The following DMD variants were observed in gnomAD, a reference collection of about 807,000 sequenced individuals.
The protein encoded by DMD is dystrophin, also known as mutant dystrophin.
In DMD, 63 loss-of-function variants were observed where a neutral mutation model predicts 330.1. The observed-to-expected ratio is 0.19, with a 90% CI of 0.16 to 0.24. The LOEUF (loss-of-function observed/expected upper bound fraction) is 0.24. DMD is among the 10% of genes least tolerant of loss of function. The pLI is 1.00. For missense variants in DMD, 3,344 were observed against 2,684.1 expected (o/e 1.25, Z -5.43); for synonymous variants, 1,223 against 959.8 (o/e 1.27, Z -5.07).
At chrX:32,225,994 G>A (rs1175316286) in intron 43 of DMD, among the ~76,000 whole-genome samples, 1 of 111,603 alleles carries the variant, frequency 9.0e-6, no homozygotes, top group East Asian at 2.8e-4. Flanking sequence ...TGAGACCATC[G>A]TTTACTTCTC....
At chrX:33,134,738 A>G (rs1410368672) in intron 1 of DMD, among the ~76,000 whole-genome samples, 1 of 111,898 alleles carries the variant, frequency 8.9e-6, no homozygotes, top group Non-Finnish European at 1.9e-5. Flanking sequence ...GTCAGTTAAA[A>G]ATAAATTAAT....
intron 17 of DMD, among the ~76,000 whole-genome samples, chrX:32,542,419 A>G (rs924526812): frequency 1.8e-5 from 2 of 111,899 alleles, no homozygotes; most frequent in Non-Finnish European, 3.8e-5. Context: ...GTGACAGAGC[A>G]AGACACTGTC....
intron 15 of DMD, among the ~76,000 whole-genome samples, chrX:32,572,444 A>G: frequency 9.0e-6 from 1 of 111,595 alleles, no homozygotes; most frequent in Non-Finnish European, 1.9e-5. Flanking sequence ...AAAAATTTTA[A>G]GAAATCATAA....
chrX:33,184,624 T>G (rs967634617), intron 1 of DMD, among the ~76,000 whole-genome samples: 1 of 110,867 alleles, frequency 9.0e-6, no homozygotes, highest in African/African-American at 3.3e-5. Flanking sequence ...AATAGTGGAA[T>G]AAAATTGATA....
At chrX:31,609,007 T>C (rs943797136) in intron 55 of DMD, among the ~76,000 whole-genome samples, 15 of 112,314 alleles carry the variant, frequency 1.3e-4, no homozygotes, top group African/African-American at 4.5e-4. Flanking sequence ...TACTTACTTA[T>C]ATCTTTGACT....
At chrX:33,163,324 A>ATCAT (rs2048862825) in intron 1 of DMD, among the ~76,000 whole-genome samples, 2 of 109,326 alleles carry the variant, frequency 1.8e-5, no homozygotes, top group Admixed American at 2.0e-4. Context: ...ATCACCCGAG[A>ATCAT]TCAGGAGTTC....
intron 44 of DMD, among the ~76,000 whole-genome samples, chrX:32,116,393 A>G (rs776215416): frequency 8.9e-6 from 1 of 112,416 alleles, no homozygotes; most frequent in East Asian, 2.8e-4. Context: ...AATAAATAAT[A>G]TCATTTATTC....
chrX:33,024,252 T>C (rs2093960509), intron 1 of DMD, among the ~76,000 whole-genome samples: 1 of 112,330 alleles, frequency 8.9e-6, no homozygotes, highest in Non-Finnish European at 1.9e-5. Flanking sequence ...AAAATGATTA[T>C]ATGCTCCTGT....
At chrX:32,628,258 ATTTTTTTTTTTTT>A (rs1170760390) in intron 11 of DMD, among the ~76,000 whole-genome samples, 21 of 15,352 alleles carry the variant, frequency 1.4e-3, no homozygotes, top group East Asian at 8.9e-3. Context: ...AGTTGTTTTA[ATTTTTTTTTTTTT>A]TTTTTTTTTT....
intron 60 of DMD, among the ~76,000 whole-genome samples, chrX:31,397,830 T>C (rs907624213): frequency 3.6e-5 from 4 of 112,197 alleles, no homozygotes; most frequent in African/African-American, 1.3e-4. Flanking sequence ...CTGCACATAA[T>C]GCAAAGTTTC....
intron 1 of DMD, among the ~76,000 whole-genome samples, chrX:33,148,123 G>C (rs2048114438): frequency 8.9e-6 from 1 of 112,018 alleles, no homozygotes; most frequent in African/African-American, 3.2e-5. Context: ...GGCTTTCATT[G>C]GTTTGATTAC....
At chrX:31,364,840 G>A (rs948375323) in intron 60 of DMD, among the ~76,000 whole-genome samples, 3 of 111,331 alleles carry the variant, frequency 2.7e-5, no homozygotes, top group South Asian at 3.8e-4. Context: ...GCTCACGCAT[G>A]TAATCCCAGC....
In DMD at chrX:33,022,484, A is replaced by G. The variant is rs1002941463; in HGVS notation, c.32-2284T>C. Among the ~76,000 whole-genome samples the G allele has an allele frequency of 5.4e-5, 6 of 110,589 alleles. No individual in the cohort carries two copies. In the East Asian group the frequency reaches 1.7e-3, roughly 31 times the overall value. ...CCTCTACGTCTTTAATACAAGAAAA[A>G]TGTCTTCAATGAATTATTGTCTTAT... is the stretch of plus-strand genomic sequence containing the variant. On this transcript the variant is annotated intron_variant, in intron 1 of 78. Coordinates refer to ENST00000357033, the MANE Select transcript of DMD (RefSeq NM_004006.3).
chrX:31,901,192 C>A (rs1216754547), intron 47 of DMD, among the ~76,000 whole-genome samples: 1 of 111,632 alleles, frequency 9.0e-6, no homozygotes, highest in Non-Finnish European at 1.9e-5. Flanking sequence ...GATCATTAAC[C>A]ACAACCACCG....
intron 9 of DMD, among the ~76,000 whole-genome samples, chrX:32,685,997 A>G (rs944257004): frequency 9.0e-6 from 1 of 111,414 alleles, no homozygotes; most frequent in African/African-American, 3.3e-5. Flanking sequence ...GACATGCTTA[A>G]GGGGGTAAAC....
intron 1 of DMD, among the ~76,000 whole-genome samples, chrX:33,052,755 C>CT (rs1358725619): frequency 9.0e-6 from 1 of 111,545 alleles, no homozygotes; most frequent in Non-Finnish European, 1.9e-5. Flanking sequence ...ATAGTAAATA[C>CT]TATAGGGTGA....
intron 12 of DMD, among the ~76,000 whole-genome samples, chrX:32,602,478 A>G (rs1008183560): frequency 8.9e-6 from 1 of 111,963 alleles, no homozygotes; most frequent in Admixed American, 9.5e-5. Flanking sequence ...CAGAGCACAG[A>G]GGAAATGCTA....
intron 37 of DMD, 82 bp from the exon 38 acceptor site, chrX:32,348,610 C>T (rs374040563): frequency 1.1e-6 from 1 of 886,914 alleles, no homozygotes; most frequent in South Asian, 2.3e-5. Context: ...TTTATTCAAC[C>T]TCCTGTTGCT....
At position 31,138,624 on chromosome X, in the gene DMD, GGAGAGAGA is replaced by G. The variant is rs1175532244; in HGVS notation, c.10922-4438_10922-4431del. Among the ~76,000 whole-genome samples the G allele has an allele frequency of 2.2e-3, 131 of 58,736 alleles. 1 individual carries two copies. The highest frequency in any genetic ancestry group is 6.9e-3 in the African/African-American group (91 of 13,222). The allele number at this position is 58,736 out of a possible 115,157, so 51.0% of individuals were successfully genotyped here. A position where few individuals can be genotyped will look rare whatever the true frequency, so the allele number is the denominator to read the frequency against. On this transcript the variant is annotated intron_variant, in intron 76 of 78. Transcript: ENST00000357033. ...GCAAGGCACCTCTTACATGGCAGCA[GGAGAGAGA>G]GAGAGAGAGAGAGAGAGAGAGAGAG...
Sources: gnomAD v4.1 joint callset for allele counts (sites outside exome capture counted in the v4.1 genomes callset) on GRCh38, gnomAD v4.1.1 for gene constraint, MANE v1.5 for transcripts, NCBI Gene and HGNC (gene_info 2026-07-23, HGNC 2026-07-21) for gene names.